SPAG16: variants seen among roughly 807,000 people sequenced by gnomAD.
The protein encoded by SPAG16 is sperm associated antigen 16.
Under a neutral mutation model 80.4 loss-of-function variants are expected in SPAG16, and 86 were observed. The ratio of observed to expected loss-of-function variants is 1.07; its 90% CI spans 0.90 to 1.28. The LOEUF is 1.28. SPAG16 is among the 50% of genes most tolerant of loss of function. The probability of loss-of-function intolerance (pLI) is 0.00; values close to 1 mark genes in which losing one functional copy is unlikely to be tolerated. For synonymous variants in SPAG16, 294 were observed against 265.9 expected (o/e 1.11, Z -1.03); for missense variants, 870 against 765.3 (o/e 1.14, Z -1.61).
At chr2:214,235,428 G>C (rs1689007612) in intron 15 of SPAG16, among the ~76,000 whole-genome samples, 1 of 152,062 alleles carries the variant, frequency 6.6e-6, no homozygotes, top group South Asian at 2.1e-4. Flanking sequence ...TTTAATAGAA[G>C]GTAAAGAATT....
chr2:213,989,227 C>G (rs1323065040), intron 12 of SPAG16, among the ~76,000 whole-genome samples: 2 of 152,098 alleles, frequency 1.3e-5, no homozygotes, highest in Non-Finnish European at 2.9e-5. Flanking sequence ...TGGGCCTGGA[C>G]AACACTAAGA....
intron 11 of SPAG16, among the ~76,000 whole-genome samples, chr2:213,874,076 G>A (rs1183287856): frequency 6.6e-6 from 1 of 151,932 alleles, no homozygotes; most frequent in Non-Finnish European, 1.5e-5. Context: ...AAGATAAAAA[G>A]TGGTATACTT....
chr2:213,519,190 C>A (rs1216580756), intron 10 of SPAG16, among the ~76,000 whole-genome samples: 1 of 151,364 alleles, frequency 6.6e-6, no homozygotes, highest in Non-Finnish European at 1.5e-5. Flanking sequence ...GCTATAAAAC[C>A]AAAAAATCAT....
rs561447115 is a variant in SPAG16, at chr2:214,089,910, T to C, written c.1528-18286T>C. 7.2e-5 allele frequency among the ~76,000 whole-genome samples: 11 copies of C among 152,230 alleles called. No individual in the cohort carries two copies. In the East Asian group the frequency reaches 1.4e-3, roughly 19 times the overall value. ...AATATCAACTTCTCTTTAAGACCTC[T>C]ACTACTTCTATCCAATGTCAAGTTA... On this transcript the variant is annotated intron_variant, in intron 13 of 15. Coordinates refer to ENST00000331683, the MANE Select transcript of SPAG16 (RefSeq NM_024532.5).
chr2:213,357,947 G>T (rs910585458), intron 7 of SPAG16, among the ~76,000 whole-genome samples: 2 of 152,170 alleles, frequency 1.3e-5, no homozygotes, highest in African/African-American at 4.8e-5. Flanking sequence ...TGTAAGGCAG[G>T]CCTGGTAGTA....
chr2:213,523,479 A>G (rs2075766772), intron 10 of SPAG16, among the ~76,000 whole-genome samples: 1 of 152,196 alleles, frequency 6.6e-6, no homozygotes, highest in Non-Finnish European at 1.5e-5. Context: ...AAAAATGTGG[A>G]AGTGACTCTG....
At chr2:214,016,495 G>C (rs1440865388) in intron 13 of SPAG16, among the ~76,000 whole-genome samples, 1 of 152,148 alleles carries the variant, frequency 6.6e-6, no homozygotes, top group Non-Finnish European at 1.5e-5. Flanking sequence ...GGAACAAAAA[G>C]CCAAGCCATA....
intron 10 of SPAG16, among the ~76,000 whole-genome samples, chr2:213,792,728 CATGA>C: frequency 6.7e-6 from 1 of 150,324 alleles, no homozygotes; most frequent in East Asian, 2.0e-4. Context: ...GAATTACAGG[CATGA>C]GCCACTGTGC....
At chr2:213,965,978 C>T (rs745883272) in intron 12 of SPAG16, among the ~76,000 whole-genome samples, 1 of 152,198 alleles carries the variant, frequency 6.6e-6, no homozygotes, top group Non-Finnish European at 1.5e-5. Flanking sequence ...GAATAATAAG[C>T]TCACTGCATT....
chr2:213,742,337 C>T lies in SPAG16; in HGVS notation c.1071-120148C>T, dbSNP rs550349211. On this transcript the variant is annotated intron_variant, in intron 10 of 15. Transcript: ENST00000331683. ...AGAATACAAGGACATTAGTATAGTCCATTTGCACCTCTTCTGACTGACATG... is the reference window on the plus strand; with the variant it reads ...AGAATACAAGGACATTAGTATAGTCTATTTGCACCTCTTCTGACTGACATG... Among the ~76,000 whole-genome samples the T allele has an allele frequency of 2.6e-5, 4 of 151,926 alleles. No homozygotes were observed. In the South Asian group the frequency reaches 6.2e-4, roughly 24 times the overall value.
At chr2:213,496,481 A>G (rs2074493925) in intron 10 of SPAG16, among the ~76,000 whole-genome samples, 1 of 152,168 alleles carries the variant, frequency 6.6e-6, no homozygotes, top group African/African-American at 2.4e-5. Flanking sequence ...AACAAAGTTC[A>G]TAACTGTGTA....
chr2:213,631,277 C>CT lies in SPAG16; in HGVS notation c.1070+141188dup, dbSNP rs201968363. Among the ~76,000 whole-genome samples, 1,303 of 152,176 alleles carry CT rather than the reference C, an allele frequency of 8.6e-3. 15 individuals carry two copies. Among genetic ancestry groups the CT allele is most frequent in the Middle Eastern group, 0.024 (7 of 294 alleles). Reference sequence around the variant, plus strand: ...AACAAACAAACAAACAAACCATGGACTATGTAGTTGTGAACAGTGTAAACT... The same window carrying CT: ...AACAAACAAACAAACAAACCATGGACTTATGTAGTTGTGAACAGTGTAAACT... On this transcript the variant is annotated intron_variant, in intron 10 of 15. Coordinates refer to ENST00000331683, the MANE Select transcript of SPAG16 (RefSeq NM_024532.5).
At chr2:213,731,035 C>T (rs1196471460) in intron 10 of SPAG16, among the ~76,000 whole-genome samples, 1 of 151,110 alleles carries the variant, frequency 6.6e-6, no homozygotes, top group Non-Finnish European at 1.5e-5. Context: ...CATCTCTCTG[C>T]TTACATTATC....
chr2:214,404,367 T>C (rs189930040), intron 15 of SPAG16, among the ~76,000 whole-genome samples: 1 of 152,294 alleles, frequency 6.6e-6, no homozygotes, highest in Admixed American at 6.5e-5. Context: ...TAACATAAGA[T>C]GGTTGGATCT....
At chr2:213,863,894 G>A (rs1282767561) in intron 11 of SPAG16, among the ~76,000 whole-genome samples, 2 of 152,112 alleles carry the variant, frequency 1.3e-5, no homozygotes, top group African/African-American at 4.8e-5. Flanking sequence ...CTCATAATAT[G>A]AATTTACATT....
chr2:214,055,113 T>A (rs35437741), intron 13 of SPAG16, among the ~76,000 whole-genome samples: 13,756 of 152,170 alleles, frequency 0.09, 763 homozygotes, highest in East Asian at 0.23. Flanking sequence ...AAATAAGATA[T>A]GTAAAATCAC....
rs920188798 is a variant in SPAG16, at chr2:214,382,512, G to A, written c.1721-27628G>A. Among the ~76,000 whole-genome samples the A allele has an allele frequency of 5.3e-5, 8 of 152,330 alleles. No homozygotes were observed. The South Asian group carries it at 1.7e-3, about 32-fold the overall frequency. ...TGTGCAGCAGATCTTGTTTCTGCAGGTAATAGCCTTCAGACTTAAGCTCTT... is the reference window on the plus strand; with the variant it reads ...TGTGCAGCAGATCTTGTTTCTGCAGATAATAGCCTTCAGACTTAAGCTCTT... On this transcript the variant is annotated intron_variant, in intron 15 of 15. Coordinates refer to ENST00000331683, the MANE Select transcript of SPAG16 (RefSeq NM_024532.5).
At chr2:213,346,097 A>G (rs1362965753) in intron 6 of SPAG16, among the ~76,000 whole-genome samples, 1 of 152,106 alleles carries the variant, frequency 6.6e-6, no homozygotes, top group Non-Finnish European at 1.5e-5. Context: ...GGTCCTTCAC[A>G]TCCCTTGTAA....
At chr2:213,630,098 T>C (rs2062090915) in intron 10 of SPAG16, among the ~76,000 whole-genome samples, 2 of 152,186 alleles carry the variant, frequency 1.3e-5, no homozygotes, top group Non-Finnish European at 2.9e-5. Context: ...TTAAAGATGT[T>C]TCTGGCTGGG....
Sources: gnomAD v4.1 joint callset for allele counts (sites outside exome capture counted in the v4.1 genomes callset) on GRCh38, gnomAD v4.1.1 for gene constraint, MANE v1.5 for transcripts, NCBI Gene and HGNC (gene_info 2026-07-23, HGNC 2026-07-21) for gene names.